Variants in CCDC66 observed in about 807,000 individuals in gnomAD.
CCDC66 encodes the protein coiled-coil domain-containing protein 66.
In CCDC66, 133 loss-of-function variants were observed where a neutral mutation model predicts 128.3. The ratio of observed to expected loss-of-function variants is 1.04; its 90% CI spans 0.90 to 1.20. The LOEUF is 1.20. Ranked by LOEUF, CCDC66 falls within the 50% of genes most tolerant of loss-of-function variation. The pLI, the probability that CCDC66 is intolerant of heterozygous loss-of-function variation, is 0.00. For synonymous variants in CCDC66, 387 were observed against 357.0 expected, an observed-to-expected ratio of 1.08 and a Z score of -0.95; for missense variants, 1,126 against 1,075.5, an observed-to-expected ratio of 1.05 and a Z score of -0.66.
intron 7 of CCDC66, among the ~76,000 whole-genome samples, chr3:56,589,273 T>C (rs2070403143): frequency 1.3e-5 from 2 of 152,182 alleles, no homozygotes; most frequent in South Asian, 4.1e-4. Flanking sequence ...AATGGTACTA[T>C]CTTTATTAAT....
At chr3:56,572,846 G>T (rs2107876489) in intron 7 of CCDC66, 1 of 152,460 alleles carries the variant, frequency 6.6e-6, no homozygotes, top group South Asian at 2.1e-4. Context: ...AATCTGAATT[G>T]CATTTGCCCA....
chr3:56,602,682 T>G (rs998215583), intron 10 of CCDC66, among the ~76,000 whole-genome samples: 3 of 151,826 alleles, frequency 2.0e-5, no homozygotes, highest in Admixed American at 2.0e-4. Flanking sequence ...CAGGGATTCG[T>G]CTTCTTCTTG....
intron 7 of CCDC66, among the ~76,000 whole-genome samples, chr3:56,579,894 G>T (rs1286583066): frequency 1.3e-5 from 2 of 151,852 alleles, no homozygotes; most frequent in Non-Finnish European, 2.9e-5. Context: ...TGTTGATTTG[G>T]GGTGGAGAGT....
chr3:56,557,391 C>G (rs2064456091), intron 1 of CCDC66, 138 bp downstream of exon 1: 1 of 1,186,666 alleles, frequency 8.4e-7, no homozygotes, highest in African/African-American at 1.5e-5. Context: ...GGGGCAGAGC[C>G]CAGTTCTCGG....
At chr3:56,588,591 A>G (rs923011741) in intron 7 of CCDC66, among the ~76,000 whole-genome samples, 1 of 152,222 alleles carries the variant, frequency 6.6e-6, no homozygotes, top group Non-Finnish European at 1.5e-5. Context: ...AAGTGGGGTG[A>G]TGTTAAACTA....
At chr3:56,574,505 C>T (rs1480365479) in intron 7 of CCDC66, among the ~76,000 whole-genome samples, 6 of 151,738 alleles carry the variant, frequency 4.0e-5, no homozygotes, top group Non-Finnish European at 7.4e-5. Flanking sequence ...TTTCAGAAAT[C>T]CCAGCTGTAG....
At chr3:56,565,189 GA>G in intron 4 of CCDC66, 1 of 407,862 alleles carries the variant, frequency 2.5e-6, no homozygotes, top group Admixed American at 2.6e-5. Context: ...AGCTAAATAA[GA>G]AAAATAACGT....
At chr3:56,563,618 C>T in intron 3 of CCDC66, 66 bp from the exon 4 acceptor site, 1 of 1,263,594 alleles carries the variant, frequency 7.9e-7, no homozygotes. Context: ...TATCACAGAT[C>T]ATATAAAGAT....
chr3:56,563,851 A>G lies in CCDC66; in HGVS notation c.270A>G (p.Ser90=), dbSNP rs2065443470. 3.8e-6 allele frequency: 6 copies of G among 1,584,848 alleles called. No individual in the cohort carries two copies. The highest frequency in any genetic ancestry group is 5.2e-6 in the Non-Finnish European group (6 of 1,164,058). Residue 90 remains serine (S), a synonymous_variant, in exon 4 of 18, where the codon TCA becomes TCG. Transcript: ENST00000394672. ...GTGAAAAAAATGGAATGACTTTTTC[A>G]TCCACTAAGGATTTATGTAAACAAT... ...AKGEKNGMTF[S]STKDLCKQCI...
chr3:56,597,777 G>GTTTTTTTTTTTTTTTTTTTTGTTTTT (rs3064563), intron 10 of CCDC66, among the ~76,000 whole-genome samples: 1 of 87,916 alleles, frequency 1.1e-5, no homozygotes, highest in African/African-American at 4.2e-5. Context: ...TTGTTTTGGG[G>GTTTTTTTTTTTTTTTTTTTTGTTTTT]TTTTTTTTTT....
At chr3:56,617,886 T>C (rs2075719975) in intron 14 of CCDC66, 4 of 565,690 alleles carry the variant, frequency 7.1e-6, no homozygotes, top group Non-Finnish European at 1.2e-5. Context: ...TCCTTATGCT[T>C]ATCGAGTCCT....
Position 56,578,451 on chromosome 3 carries a change from T to C in CCDC66, c.936+7149T>C, listed in dbSNP as rs528236550. 4.6e-5 allele frequency among the ~76,000 whole-genome samples: 7 copies of C among 151,980 alleles called. No individual in the cohort carries two copies. In the South Asian group the frequency reaches 1.2e-3, roughly 27 times the overall value. On this transcript the variant is annotated intron_variant, in intron 7 of 17. Coordinates refer to ENST00000394672, the MANE Select transcript of CCDC66 (RefSeq NM_001141947.3). ...CCAGAACTTCCAATACTATGTTGAATAGGAGTGGAGAGAGAGGGCATCCTT... is the reference window on the plus strand; with the variant it reads ...CCAGAACTTCCAATACTATGTTGAACAGGAGTGGAGAGAGAGGGCATCCTT...
rs1212824656 is a variant in CCDC66, at chr3:56,585,201, A to G, written c.937-7769A>G. Among the ~76,000 whole-genome samples the G allele has an allele frequency of 2.0e-5, 3 of 151,730 alleles. 1 individual carries two copies. The highest frequency in any genetic ancestry group is 7.2e-5 in the African/African-American group (3 of 41,402). The stretch of plus-strand genomic sequence containing the variant: ...GAAAATATTCACTCAGTTTTTATCT[A>G]CTCATATCTTAAGGAATTGAAGTGG... On this transcript the variant is annotated intron_variant, in intron 7 of 17. Transcript: ENST00000394672.
At chr3:56,618,077 C>A in intron 14 of CCDC66, 95 bp from the exon 15 acceptor site, 1 of 966,530 alleles carries the variant, frequency 1.0e-6, no homozygotes, top group Non-Finnish European at 1.7e-6. Context: ...CAAATATTAC[C>A]CTCAGACTAT....
chr3:56,620,030 T>C, intron 17 of CCDC66, 129 bp downstream of exon 17: 1 of 975,458 alleles, frequency 1.0e-6, no homozygotes, highest in Non-Finnish European at 1.5e-6. Flanking sequence ...TTTCAGTTCC[T>C]GTATGTTTGT....
At chr3:56,610,993 TG>T (rs1219062285) in intron 10 of CCDC66, among the ~76,000 whole-genome samples, 2 of 152,160 alleles carry the variant, frequency 1.3e-5, no homozygotes, top group African/African-American at 4.8e-5. Context: ...GTGGACTCCG[TG>T]GGACTCCTTA....
chr3:56,599,613 A>AT (rs2072783573), intron 10 of CCDC66, among the ~76,000 whole-genome samples: 1 of 151,792 alleles, frequency 6.6e-6, no homozygotes, highest in South Asian at 2.1e-4. Flanking sequence ...TTTTTCAAGA[A>AT]TTTTTTTAAA....
At chr3:56,618,376 T>C (rs957942205) in intron 15 of CCDC66, 164 bp downstream of exon 15, 15 of 579,202 alleles carry the variant, frequency 2.6e-5, no homozygotes, top group Middle Eastern at 2.6e-4. Flanking sequence ...TGTGGCACTT[T>C]AGCAGGAGCT....
At position 56,616,020 on chromosome 3, in the gene CCDC66, A is replaced by G; in HGVS notation, c.1810A>G (p.Thr604Ala). The G allele has an allele frequency of 6.5e-7, 1 of 1,535,382 alleles. No homozygotes were observed. The highest frequency in any genetic ancestry group is 8.6e-7 in the Non-Finnish European group (1 of 1,158,964). The change falls in exon 13 of 18, where the codon ACG becomes GCG. Residue 604 changes from threonine (T) to alanine (A), a missense_variant. By Grantham distance (58) the Thr-to-Ala change is moderately conservative. Coordinates refer to ENST00000394672, the MANE Select transcript of CCDC66 (RefSeq NM_001141947.3). ...SGKMNTYMNS[T>A]TSKKDTGVQT... ...TAAAATGAATACATATATGAATTCT[A>G]CGACTTCTAAGAAGGATACTGGTGT...
Sources: allele counts gnomAD v4.1 joint callset (sites outside exome capture counted in the v4.1 genomes callset), GRCh38; gene constraint gnomAD v4.1.1; transcripts MANE v1.5; gene names NCBI Gene and HGNC (gene_info 2026-07-23, HGNC 2026-07-21).